Variants in PIBF1 observed in about 807,000 individuals in gnomAD.
PIBF1 encodes the protein progesterone-induced-blocking factor 1.
PIBF1 carries 90 observed loss-of-function variants against 112.5 expected under a neutral mutation model. The observed-to-expected ratio is 0.80, with a 90% confidence interval of 0.67 to 0.95. The LOEUF (loss-of-function observed/expected upper bound fraction) is 0.95, where lower values mean the gene tolerates loss of function less well. Among genes scored for constraint, PIBF1 ranks in the 40% least tolerant of loss-of-function variants. PIBF1 has a pLI of 0.00. For synonymous variants in PIBF1, 301 were observed against 288.6 expected, an observed-to-expected ratio of 1.04 and a Z score of -0.44; for missense variants, 915 against 852.3, an observed-to-expected ratio of 1.07 and a Z score of -0.92.
intron 14 of PIBF1, among the ~76,000 whole-genome samples, chr13:72,948,672 A>G (rs1354307228): frequency 6.6e-6 from 1 of 152,218 alleles, no homozygotes; most frequent in Non-Finnish European, 1.5e-5. Flanking sequence ...ACTGCTATCT[A>G]TAAAAGAAAG....
At position 73,015,957 on chromosome 13, in the gene PIBF1, T is replaced by A. The variant is rs370078802; in HGVS notation, c.*38T>A. On this transcript the variant is annotated 3_prime_UTR_variant, in exon 18 of 18. Coordinates refer to ENST00000326291, the MANE Select transcript of PIBF1 (RefSeq NM_006346.4). Reference sequence around the variant, plus strand: ...GAAGCACCTGTAGACCATTATATACTCCTGAAGTTCTTTTTCTGATGGAAA... The same window carrying A: ...GAAGCACCTGTAGACCATTATATACACCTGAAGTTCTTTTTCTGATGGAAA... 32 of 1,296,064 alleles carry A rather than the reference T, an allele frequency of 2.5e-5. No individual in the cohort carries two copies. Among genetic ancestry groups the A allele is most frequent in the Non-Finnish European group, 2.9e-5 (28 of 954,526 alleles). The allele number at this position is 1,296,064 out of a possible 1,614,324, so 80.3% of individuals were successfully genotyped here.
Position 72,783,706 on chromosome 13 carries a change from G to A in PIBF1, c.237G>A (p.Val79=), listed in dbSNP as rs2034430575. ...QKTMMIDNLK[V]DYLTKIEELE... ...CTATGATGATCGACAATTTGAAAGTGGATTATCTTACAAAGGTAAGATCAG... is the reference window on the plus strand; with the variant it reads ...CTATGATGATCGACAATTTGAAAGTAGATTATCTTACAAAGGTAAGATCAG... Residue 79 remains valine, a synonymous_variant, in exon 2 of 18, where the codon GTG becomes GTA. Coordinates refer to ENST00000326291, the MANE Select transcript of PIBF1 (RefSeq NM_006346.4). The A allele has an allele frequency of 2.5e-6, 4 of 1,613,648 alleles. No individual in the cohort carries two copies. Among genetic ancestry groups the A allele is most frequent in the Non-Finnish European group, 3.4e-6 (4 of 1,179,704 alleles).
At chr13:72,902,750 C>T (rs1041331337) in intron 11 of PIBF1, among the ~76,000 whole-genome samples, 3 of 152,064 alleles carry the variant, frequency 2.0e-5, no homozygotes, top group Non-Finnish European at 2.9e-5. Flanking sequence ...CCATGCACTG[C>T]ATGTTCTTGG....
intron 10 of PIBF1, among the ~76,000 whole-genome samples, chr13:72,876,770 C>T (rs2039427275): frequency 2.0e-5 from 3 of 152,070 alleles, no homozygotes; most frequent in African/African-American, 7.2e-5. Flanking sequence ...GTATATTGCC[C>T]TTGTATCCTG....
At chr13:73,003,590 A>G (rs9318133) in intron 17 of PIBF1, among the ~76,000 whole-genome samples, 151,143 of 152,290 alleles carry the variant, frequency 0.99, 75,014 homozygotes, top group Middle Eastern at 1. Context: ...TTCAAGAAGC[A>G]TTTACTGACT....
chr13:72,817,353 A>G (rs1011971652), intron 5 of PIBF1, among the ~76,000 whole-genome samples: 9 of 152,200 alleles, frequency 5.9e-5, no homozygotes, highest in African/African-American at 2.2e-4. Context: ...GGCTATTATT[A>G]TCCCATTTAC....
chr13:73,001,728 A>G (rs925996055), intron 17 of PIBF1, among the ~76,000 whole-genome samples: 1 of 150,562 alleles, frequency 6.6e-6, no homozygotes. Flanking sequence ...GGTTCAAGTG[A>G]TTCTCCTGCC....
chr13:72,838,707 C>A (rs917921444), intron 9 of PIBF1, among the ~76,000 whole-genome samples: 1 of 152,086 alleles, frequency 6.6e-6, no homozygotes, highest in Non-Finnish European at 1.5e-5. Flanking sequence ...AGGCACATAC[C>A]CCCAAGTTAG....
intron 11 of PIBF1, among the ~76,000 whole-genome samples, chr13:72,895,849 C>T (rs1199839062): frequency 6.6e-6 from 1 of 152,094 alleles, no homozygotes; most frequent in Non-Finnish European, 1.5e-5. Flanking sequence ...ACCCCAAATA[C>T]TCTGGGAGGT....
At chr13:72,833,195 C>T (rs924050820) in intron 8 of PIBF1, among the ~76,000 whole-genome samples, 10 of 152,106 alleles carry the variant, frequency 6.6e-5, no homozygotes, top group Admixed American at 2.0e-4. Context: ...TCTTAGCTTC[C>T]TTGCATTGGG....
intron 3 of PIBF1, among the ~76,000 whole-genome samples, chr13:72,794,262 C>T (rs980171587): frequency 6.6e-6 from 1 of 152,046 alleles, no homozygotes; most frequent in Non-Finnish European, 1.5e-5. Flanking sequence ...AAAATATGAT[C>T]GCCATGGGTT....
chr13:72,785,287 G>T (rs1364258292), intron 2 of PIBF1, among the ~76,000 whole-genome samples: 1 of 152,124 alleles, frequency 6.6e-6, no homozygotes, highest in Non-Finnish European at 1.5e-5. Context: ...CCATCGGACT[G>T]AATTTGTTTG....
At chr13:73,002,901 T>G (rs2043915357) in intron 17 of PIBF1, among the ~76,000 whole-genome samples, 1 of 141,376 alleles carries the variant, frequency 7.1e-6, no homozygotes, top group Non-Finnish European at 1.5e-5. Context: ...GGAGAATCAC[T>G]TGGACCTGGG....
chr13:72,789,406 C>G (rs2034776780), intron 2 of PIBF1, among the ~76,000 whole-genome samples: 1 of 152,072 alleles, frequency 6.6e-6, no homozygotes, highest in Non-Finnish European at 1.5e-5. Context: ...AGGCTAGTCT[C>G]AAACTCCTGG....
At chr13:72,927,975 A>G (rs1340272187) in intron 13 of PIBF1, among the ~76,000 whole-genome samples, 2 of 93,776 alleles carry the variant, frequency 2.1e-5, no homozygotes, top group African/African-American at 7.2e-5. Flanking sequence ...ATATATATAT[A>G]TACATATATA....
intron 12 of PIBF1, among the ~76,000 whole-genome samples, chr13:72,914,697 G>A (rs1260502919): frequency 6.6e-6 from 1 of 152,026 alleles, no homozygotes; most frequent in African/African-American, 2.4e-5. Flanking sequence ...GATTCCCCCT[G>A]CCTCATCCTC....
At chr13:72,945,981 C>T (rs564459072) in intron 14 of PIBF1, among the ~76,000 whole-genome samples, 3 of 152,124 alleles carry the variant, frequency 2.0e-5, no homozygotes, top group African/African-American at 7.2e-5. Flanking sequence ...ACATGAAACC[C>T]CTGAGTTGGC....
At chr13:72,805,896 A>G (rs1351673083) in intron 5 of PIBF1, among the ~76,000 whole-genome samples, 1 of 152,250 alleles carries the variant, frequency 6.6e-6, no homozygotes, top group Non-Finnish European at 1.5e-5. Flanking sequence ...TAGGCAAGTT[A>G]AATACTTCCC....
chr13:72,955,847 T>C (rs1267795913), intron 14 of PIBF1, among the ~76,000 whole-genome samples: 1 of 152,186 alleles, frequency 6.6e-6, no homozygotes, highest in African/African-American at 2.4e-5. Context: ...TCCATATTTT[T>C]CCAATCTGTC....
Sources: allele counts gnomAD v4.1 joint callset (sites outside exome capture counted in the v4.1 genomes callset), GRCh38; gene constraint gnomAD v4.1.1; transcripts MANE v1.5; gene names NCBI Gene and HGNC (gene_info 2026-07-23, HGNC 2026-07-21).